The following XYLT1 variants were observed in gnomAD, a reference collection of about 807,000 sequenced individuals.
XYLT1 encodes beta-D-xylosyltransferase 1.
Under a neutral mutation model 91.3 loss-of-function variants are expected in XYLT1, and 36 were observed. That is an observed-to-expected ratio of 0.39 (90% CI 0.30 to 0.52). The LOEUF (loss-of-function observed/expected upper bound fraction) is 0.52, where lower values mean the gene tolerates loss of function less well. Ranked by LOEUF, XYLT1 falls within the 20% of genes least tolerant of loss-of-function variation. XYLT1 has a pLI of 0.68. For synonymous variants in XYLT1, 588 were observed against 532.0 expected, an observed-to-expected ratio of 1.11 and a Z score of -1.45; for missense variants, 1,242 against 1,284.5, an observed-to-expected ratio of 0.97 and a Z score of 0.51.
At chr16:17,368,038 G>A (rs1245294368) in intron 1 of XYLT1, among the ~76,000 whole-genome samples, 10 of 152,106 alleles carry the variant, frequency 6.6e-5, no homozygotes, top group Admixed American at 6.5e-4. Context: ...CTCTGACCAG[G>A]ACATCTATTG....
intron 1 of XYLT1, among the ~76,000 whole-genome samples, chr16:17,401,580 A>G (rs530079449): frequency 2.0e-5 from 3 of 152,216 alleles, no homozygotes; most frequent in South Asian, 2.1e-4. Context: ...CTCTGTTCCT[A>G]TATCTGTAAA....
At chr16:17,381,539 C>T (rs375631889) in intron 1 of XYLT1, among the ~76,000 whole-genome samples, 37 of 150,766 alleles carry the variant, frequency 2.5e-4, no homozygotes, top group Admixed American at 7.3e-4. Flanking sequence ...AAGCAATTCT[C>T]CTGCCTCAGC....
chr16:17,233,176 C>G (rs1342714913), intron 3 of XYLT1, among the ~76,000 whole-genome samples: 3 of 152,184 alleles, frequency 2.0e-5, no homozygotes, highest in African/African-American at 7.2e-5. Flanking sequence ...AAAATGACAA[C>G]AGAAAGCAAC....
At chr16:17,442,114 GGC>G (rs2036538930) in intron 1 of XYLT1, among the ~76,000 whole-genome samples, 1 of 152,110 alleles carries the variant, frequency 6.6e-6, no homozygotes, top group African/African-American at 2.4e-5. Context: ...TGAAAACATT[GGC>G]CCTTCCCAGA....
At chr16:17,200,824 T>C (rs1372152654) in intron 3 of XYLT1, among the ~76,000 whole-genome samples, 170 bp from the exon 4 acceptor site, 1 of 152,226 alleles carries the variant, frequency 6.6e-6, no homozygotes, top group Non-Finnish European at 1.5e-5. Context: ...ATTCTCACAC[T>C]GTCAGGCACA....
intron 1 of XYLT1, among the ~76,000 whole-genome samples, chr16:17,381,982 G>A (rs2035687693): frequency 2.0e-5 from 3 of 151,838 alleles, no homozygotes; most frequent in African/African-American, 4.8e-5. Context: ...CCATTGAACA[G>A]ATGACAATAC....
intron 2 of XYLT1, among the ~76,000 whole-genome samples, chr16:17,311,925 T>C (rs56949057): frequency 0.01 from 1,520 of 151,938 alleles, 26 homozygotes; most frequent in African/African-American, 0.035. Context: ...ATGAGAACAA[T>C]ATAGGGGAAA....
At chr16:17,327,361 CTTTTTTTTT>C (rs138879762) in intron 2 of XYLT1, among the ~76,000 whole-genome samples, 2 of 108,088 alleles carry the variant, frequency 1.9e-5, no homozygotes, top group African/African-American at 3.5e-5. Context: ...TTTCTTTTTT[CTTTTTTTTT>C]TTTTTTTTTT....
At chr16:17,336,583 T>C (rs778256521) in intron 2 of XYLT1, among the ~76,000 whole-genome samples, 2 of 152,070 alleles carry the variant, frequency 1.3e-5, no homozygotes, top group Non-Finnish European at 2.9e-5. Context: ...TGTGCATGCA[T>C]GTGTGTGAGA....
chr16:17,255,955 C>CT (rs2033623916), intron 3 of XYLT1, among the ~76,000 whole-genome samples: 1 of 152,144 alleles, frequency 6.6e-6, no homozygotes, highest in Admixed American at 6.5e-5. Flanking sequence ...TTGCAGTGAT[C>CT]TAAGATGGCA....
intron 3 of XYLT1, among the ~76,000 whole-genome samples, chr16:17,226,678 G>A (rs2033071964): frequency 6.6e-6 from 1 of 152,168 alleles, no homozygotes; most frequent in Non-Finnish European, 1.5e-5. Flanking sequence ...AGCTACTCAG[G>A]AGGCTGAGGT....
At chr16:17,184,101 A>G (rs1269269444) in intron 5 of XYLT1, among the ~76,000 whole-genome samples, 1 of 151,680 alleles carries the variant, frequency 6.6e-6, no homozygotes, top group African/African-American at 2.4e-5. Flanking sequence ...CTCACATCCA[A>G]ATTCCCAGGA....
At chr16:17,215,287 C>G (rs1360244932) in intron 3 of XYLT1, among the ~76,000 whole-genome samples, 1 of 152,224 alleles carries the variant, frequency 6.6e-6, no homozygotes, top group East Asian at 1.9e-4. Flanking sequence ...ACCCAGGAGG[C>G]AGACGTTGCA....
Position 17,213,450 on chromosome 16 carries a change from G to A in XYLT1, c.914-12796C>T, listed in dbSNP as rs148675804. 4.0e-3 allele frequency among the ~76,000 whole-genome samples: 614 copies of A among 152,212 alleles called. 7 individuals are homozygous for A. Among genetic ancestry groups the A allele is most frequent in the African/African-American group, 0.014 (597 of 41,534 alleles). The stretch of plus-strand genomic sequence containing the variant: ...CTCCTCACAGCAGACCTTTGAGGGA[G>A]GCATTCTGACTATTCCCATTTTACA... On this transcript the variant is annotated intron_variant, in intron 3 of 11. Transcript: ENST00000261381.
intron 1 of XYLT1, among the ~76,000 whole-genome samples, chr16:17,435,384 C>T (rs993308165): frequency 1.3e-5 from 2 of 152,200 alleles, no homozygotes; most frequent in African/African-American, 2.4e-5. Context: ...CCAAGGCACA[C>T]TGTCCCCTCA....
At chr16:17,136,899 G>A (rs532149019) in intron 8 of XYLT1, among the ~76,000 whole-genome samples, 46 of 152,274 alleles carry the variant, frequency 3.0e-4, no homozygotes, top group African/African-American at 1.1e-3. Context: ...AGGGCTCTGG[G>A]AATCAGCACG....
intron 2 of XYLT1, among the ~76,000 whole-genome samples, chr16:17,265,137 A>G (rs886451027): frequency 3.9e-5 from 6 of 152,196 alleles, no homozygotes; most frequent in African/African-American, 1.4e-4. Context: ...GCAGTGAGCC[A>G]AGATCGTGCC....
chr16:17,419,820 T>C (rs951675787), intron 1 of XYLT1, among the ~76,000 whole-genome samples: 1 of 152,192 alleles, frequency 6.6e-6, no homozygotes. Context: ...CTGCTTCCTT[T>C]GATTTGAGTA....
chr16:17,434,281 A>C (rs2036424794), intron 1 of XYLT1, among the ~76,000 whole-genome samples: 1 of 152,218 alleles, frequency 6.6e-6, no homozygotes, highest in South Asian at 2.1e-4. Flanking sequence ...CCATCCACAA[A>C]GAAGGTGGTG....
Sources: gnomAD v4.1 joint callset for allele counts (sites outside exome capture counted in the v4.1 genomes callset) on GRCh38, gnomAD v4.1.1 for gene constraint, MANE v1.5 for transcripts, NCBI Gene and HGNC (gene_info 2026-07-23, HGNC 2026-07-21) for gene names.